The following FHIP2A variants were observed in gnomAD, a reference collection of about 807,000 sequenced individuals.
FHIP2A encodes FHF complex subunit HOOK interacting protein 2A.
FHIP2A carries 46 observed loss-of-function variants against 93.5 expected under a neutral mutation model. That is an observed-to-expected ratio of 0.49 (90% CI 0.39 to 0.63). The LOEUF is 0.63. FHIP2A is among the 20% of genes least tolerant of loss of function. The pLI is 0.00. For missense variants in FHIP2A, 769 were observed against 909.7 expected, an observed-to-expected ratio of 0.85 and a Z score of 1.99; for synonymous variants, 332 against 326.5, an observed-to-expected ratio of 1.02 and a Z score of -0.18.
At chr10:114,886,614 G>A (rs531660411) in intron 16 of FHIP2A, among the ~76,000 whole-genome samples, 2 of 151,914 alleles carry the variant, frequency 1.3e-5, no homozygotes, top group Admixed American at 6.6e-5. Flanking sequence ...GTGTGATATC[G>A]GCCCACTGCA....
chr10:114,826,866 C>A (rs541596448), intron 1 of FHIP2A, among the ~76,000 whole-genome samples: 1 of 152,112 alleles, frequency 6.6e-6, no homozygotes, highest in Admixed American at 6.5e-5. Flanking sequence ...CGGTAGCATG[C>A]GCCTGTAATC....
chr10:114,846,359 T>C lies in FHIP2A; in HGVS notation c.1390T>C (p.Ser464Pro), dbSNP rs2083701185. 6.2e-7 allele frequency: 1 copy of C among 1,613,018 alleles called. No homozygotes were observed. Among genetic ancestry groups the C allele is most frequent in the Admixed American group, 1.7e-5 (1 of 59,986 alleles). The stretch of plus-strand genomic sequence containing the variant: ...GTTAATTGAACATTGTGATCACATA[T>C]CTGATGAGGTAAGCTACGTAATGAT... ...HRLIEHCDHI[S>P]DEISIMTLRM... The change falls in exon 10 of 17, where the codon TCT becomes CCT. Residue 464 changes from serine (S) to proline (P), a missense_variant. Ser to Pro is a moderately conservative substitution (Grantham distance 74, BLOSUM62 -1). Coordinates refer to ENST00000369248, the MANE Select transcript of FHIP2A (RefSeq NM_020940.4).
intron 16 of FHIP2A, among the ~76,000 whole-genome samples, chr10:114,896,753 C>T (rs971741771): frequency 6.6e-6 from 1 of 152,204 alleles, no homozygotes; most frequent in Non-Finnish European, 1.5e-5. Flanking sequence ...CCAAGCTGTG[C>T]CCTGACCACC....
chr10:114,855,700 A>T (rs1407200356), intron 14 of FHIP2A, among the ~76,000 whole-genome samples: 1 of 152,222 alleles, frequency 6.6e-6, no homozygotes, highest in Non-Finnish European at 1.5e-5. Context: ...AAGACCTTAA[A>T]TGTCATTTCA....
At position 114,821,920 on chromosome 10, in the gene FHIP2A, C is replaced by T. The variant is rs2083526079; in HGVS notation, c.-159C>T. 2 of 345,210 alleles carry T rather than the reference C, an allele frequency of 5.8e-6. No homozygotes were observed. Among genetic ancestry groups the T allele is most frequent in the South Asian group, 1.4e-4 (1 of 6,936 alleles). The allele number at this position is 345,210 out of a possible 1,614,324, so 21.4% of individuals were successfully genotyped here. The stretch of plus-strand genomic sequence containing the variant: ...CCGAGCCGCCCGCGCACACCTGAAG[C>T]GGCCGGGCCAGGCCCTGCCTCGATC... On this transcript the variant is annotated 5_prime_UTR_variant, in exon 1 of 17. Transcript: ENST00000369248.
intron 14 of FHIP2A, among the ~76,000 whole-genome samples, chr10:114,856,391 T>C (rs2083767496): frequency 6.6e-6 from 1 of 152,158 alleles, no homozygotes; most frequent in South Asian, 2.1e-4. Context: ...AAAATCTGGC[T>C]ATTAATAGGT....
intron 16 of FHIP2A, among the ~76,000 whole-genome samples, chr10:114,874,264 A>AT (rs2083873076): frequency 7.5e-6 from 1 of 134,176 alleles, no homozygotes; most frequent in Non-Finnish European, 1.7e-5. Context: ...TTAGATCTTT[A>AT]ATTTTTTTTC....
intron 12 of FHIP2A, among the ~76,000 whole-genome samples, chr10:114,847,660 G>T (rs1332467869): frequency 6.6e-6 from 1 of 152,066 alleles, no homozygotes; most frequent in East Asian, 1.9e-4. Flanking sequence ...TGTAACAAGT[G>T]CCAGGCTGCG....
chr10:114,861,513 A>G lies in FHIP2A; in HGVS notation c.2271A>G (p.Val757=), dbSNP rs778324516. ...AGGAGCTGGCGGCAATCGCATTTGTAAAATATCATGCTTCCTCCACACCAT... is the reference window on the plus strand; with the variant it reads ...AGGAGCTGGCGGCAATCGCATTTGTGAAATATCATGCTTCCTCCACACCAT... ...FCKELAAIAF[V]KYHASSTP is the part of the protein sequence containing the mutation. Residue 757 remains valine (V), a synonymous_variant, in exon 17 of 17, where the codon GTA becomes GTG. Coordinates refer to ENST00000369248, the MANE Select transcript of FHIP2A (RefSeq NM_020940.4). 3.7e-6 allele frequency: 6 copies of G among 1,613,854 alleles called. No homozygotes were observed. In the East Asian group the frequency reaches 1.3e-4, roughly 36 times the overall value.
chr10:114,884,415 C>A (rs1258346896), intron 16 of FHIP2A, among the ~76,000 whole-genome samples: 2 of 152,200 alleles, frequency 1.3e-5, no homozygotes, highest in Non-Finnish European at 2.9e-5. Context: ...TGATCTGCCA[C>A]GTACTAGTGC....
At position 114,835,675 on chromosome 10, in the gene FHIP2A, T is replaced by C. The variant is rs1348814900; in HGVS notation, c.399+34T>C. 5.8e-6 allele frequency: 7 copies of C among 1,211,030 alleles called. No individual in the cohort carries two copies. In the South Asian group the frequency reaches 5.8e-5, roughly 10 times the overall value. The allele number at this position is 1,211,030 out of a possible 1,614,324, so 75.0% of individuals were successfully genotyped here. A position where few individuals can be genotyped will look rare whatever the true frequency, so the allele number is the denominator to read the frequency against. ...TTCCCCCTACATAAAATCATTTTGT[T>C]TGATTTCTTTTAATGTTGAAATAAT... On this transcript the variant is annotated intron_variant, in intron 4 of 16. Coordinates refer to ENST00000369248, the MANE Select transcript of FHIP2A (RefSeq NM_020940.4).
intron 13 of FHIP2A, among the ~76,000 whole-genome samples, chr10:114,851,884 T>G (rs953165624): frequency 6.6e-6 from 1 of 152,194 alleles, no homozygotes; most frequent in African/African-American, 2.4e-5. Flanking sequence ...CAACAGAATT[T>G]CATAGTTTTC....
At chr10:114,839,735 A>C (rs1661644775) in intron 5 of FHIP2A, among the ~76,000 whole-genome samples, 3 of 151,952 alleles carry the variant, frequency 2.0e-5, no homozygotes, top group Admixed American at 2.0e-4. Context: ...ACAAAAAATC[A>C]GTCGGGCTTG....
chr10:114,822,173 T>A, intron 1 of FHIP2A, 50 bp downstream of exon 1: 6 of 1,170,398 alleles, frequency 5.1e-6, no homozygotes, highest in Non-Finnish European at 5.5e-6. Flanking sequence ...GGCGGCGGCC[T>A]ACGCTCCCCG....
chr10:114,890,577 T>A (rs2083966341), intron 16 of FHIP2A, among the ~76,000 whole-genome samples: 1 of 148,032 alleles, frequency 6.8e-6, no homozygotes, highest in African/African-American at 2.5e-5. Context: ...ATATATAGTA[T>A]ATAAAATATA....
In FHIP2A at chr10:114,864,502, T is replaced by C. The variant is rs1009127026; in HGVS notation, c.*2962T>C. Reference sequence around the variant, plus strand: ...CCTTGTTTACATTAAACAGGATATTTGGTAAATTTTTTTGTATTGAAAGTT... The same window carrying C: ...CCTTGTTTACATTAAACAGGATATTCGGTAAATTTTTTTGTATTGAAAGTT... On this transcript the variant is annotated 3_prime_UTR_variant, in exon 17 of 17. Coordinates refer to ENST00000369248, the MANE Select transcript of FHIP2A (RefSeq NM_020940.4). The C allele has an allele frequency of 1.7e-5, 17 of 985,724 alleles. No individual in the cohort carries two copies. In the African/African-American group the frequency reaches 2.8e-4, roughly 16 times the overall value. The allele number at this position is 985,724 out of a possible 1,614,324, so 61.1% of individuals were successfully genotyped here. A position where few individuals can be genotyped will look rare whatever the true frequency, so the allele number is the denominator to read the frequency against.
At chr10:114,853,083 C>T (rs1371330120) in intron 13 of FHIP2A, among the ~76,000 whole-genome samples, 3 of 152,066 alleles carry the variant, frequency 2.0e-5, no homozygotes, top group Non-Finnish European at 4.4e-5. Context: ...TTTTGTGGTC[C>T]TTTGTGTTTT....
intron 13 of FHIP2A, among the ~76,000 whole-genome samples, chr10:114,850,924 GT>G (rs2083731370): frequency 6.6e-6 from 1 of 152,076 alleles, no homozygotes; most frequent in South Asian, 2.1e-4. Flanking sequence ...GTTTGTTGTT[GT>G]TGTTTGGAGA....
chr10:114,899,348 G>A (rs899178179), intron 16 of FHIP2A: 8 of 562,244 alleles, frequency 1.4e-5, no homozygotes, highest in Admixed American at 6.5e-5. Flanking sequence ...GCTAGTGTAA[G>A]CACAAAATAA....
Sources: allele counts gnomAD v4.1 joint callset (sites outside exome capture counted in the v4.1 genomes callset), GRCh38; gene constraint gnomAD v4.1.1; transcripts MANE v1.5; gene names NCBI Gene and HGNC (gene_info 2026-07-23, HGNC 2026-07-21).